Variants in OGDHL observed in about 807,000 individuals in gnomAD.
OGDHL encodes the protein oxoglutarate dehydrogenase L.
OGDHL carries 79 observed loss-of-function variants against 109.6 expected under a neutral mutation model. That is an observed-to-expected ratio of 0.72 (90% CI 0.60 to 0.87). OGDHL has a LOEUF of 0.87. Ranked by LOEUF, OGDHL falls within the 40% of genes least tolerant of loss-of-function variation. The pLI, the probability that OGDHL is intolerant of heterozygous loss-of-function variation, is 0.00. For synonymous variants in OGDHL, 528 were observed against 537.2 expected (o/e 0.98, Z 0.24); for missense variants, 1,275 against 1,362.2 (o/e 0.94, Z 1.01).
chr10:49,741,322 G>A (rs1157460790), intron 15 of OGDHL, among the ~76,000 whole-genome samples: 3 of 152,082 alleles, frequency 2.0e-5, no homozygotes, highest in Non-Finnish European at 4.4e-5. Flanking sequence ...AGTAAGTGAG[G>A]GGCGCCTGGC....
rs1841204236 is a variant in OGDHL at position 49,736,523 on chromosome 10, G to A, written c.2591-3C>T. On this transcript the variant is annotated splice_region_variant and splice_polypyrimidine_tract_variant and intron_variant, in intron 20 of 22. Coordinates refer to ENST00000374103, the MANE Select transcript of OGDHL (RefSeq NM_018245.3). ...AATCACCCGCTGGAAGCTGGTCCCTGAGGGACCAACAGGACATGGCAGAGG... is the reference window on the plus strand; with the variant it reads ...AATCACCCGCTGGAAGCTGGTCCCTAAGGGACCAACAGGACATGGCAGAGG... 3.1e-6 allele frequency: 5 copies of A among 1,612,598 alleles called. No individual in the cohort carries two copies. Among genetic ancestry groups the A allele is most frequent in the African/African-American group, 1.3e-5 (1 of 74,916 alleles).
At chr10:49,755,317 A>G (rs1842853374) in intron 3 of OGDHL, among the ~76,000 whole-genome samples, 1 of 152,234 alleles carries the variant, frequency 6.6e-6, no homozygotes. Context: ...AGGCATTATT[A>G]TGTTTAGATG....
At chr10:49,743,362 A>T (rs995292568) in intron 14 of OGDHL, among the ~76,000 whole-genome samples, 3 of 151,502 alleles carry the variant, frequency 2.0e-5, no homozygotes, top group South Asian at 2.1e-4. Flanking sequence ...CACATGCCCC[A>T]AACGCTGTCA....
In OGDHL at chr10:49,739,781, C is replaced by A; in HGVS notation, c.2199G>T (p.Gln733His). Reference sequence around the variant, plus strand: ...GGGCCGTGTTGTGGAAGTCCCCAAACTGGGCCTCCCAGAGGACCAGGGCAT... The same window carrying A: ...GGGCCGTGTTGTGGAAGTCCCCAAAATGGGCCTCCCAGAGGACCAGGGCAT... ...SPNALVLWEA[Q>H]FGDFHNTAQC... The change falls in exon 17 of 23, where the codon CAG becomes CAT. Residue 733 changes from glutamine to histidine, a missense_variant. Gln to His is a conservative substitution (Grantham distance 24, BLOSUM62 0). Coordinates refer to ENST00000374103, the MANE Select transcript of OGDHL (RefSeq NM_018245.3). The A allele has an allele frequency of 6.2e-7, 1 of 1,614,178 alleles. No homozygotes were observed. The highest frequency in any genetic ancestry group is 8.5e-7 in the Non-Finnish European group (1 of 1,180,000).
rs1437550773 is a variant in OGDHL at position 49,762,255 on chromosome 10, G to C, written c.-18C>G. ...CGCGCTCACCGGGCGGGCGGGCCGG[G>C]TCCGCGCTGCAGCGAGGTCCGGAGG... On this transcript the variant is annotated 5_prime_UTR_variant, in exon 1 of 23. Coordinates refer to ENST00000374103, the MANE Select transcript of OGDHL (RefSeq NM_018245.3). The C allele has an allele frequency of 6.6e-6, 1 of 152,222 alleles. No homozygotes were observed. Among genetic ancestry groups the C allele is most frequent in the Non-Finnish European group, 1.5e-5 (1 of 68,094 alleles). 9.4% of individuals were successfully genotyped at this position (152,222 alleles called of 1,614,324 possible).
rs935827866 is a variant in OGDHL, at chr10:49,743,852, G to A, written c.1861+142C>T. 4.9e-6 allele frequency: 5 copies of A among 1,026,536 alleles called. No homozygotes were observed. In the African/African-American group the frequency reaches 8.1e-5, roughly 17 times the overall value. 63.6% of individuals were successfully genotyped at this position (1,026,536 alleles called of 1,614,324 possible). On this transcript the variant is annotated intron_variant, in intron 14 of 22. Coordinates refer to ENST00000374103, the MANE Select transcript of OGDHL (RefSeq NM_018245.3). ...AGCTACTGTCACGGGCACAGACATGGTGCCGAGAGCTACGTGGACCCACTA... is the reference window on the plus strand; with the variant it reads ...AGCTACTGTCACGGGCACAGACATGATGCCGAGAGCTACGTGGACCCACTA...
At chr10:49,740,882 G>T in intron 15 of OGDHL, 45 bp from the exon 16 acceptor site, 1 of 1,610,286 alleles carries the variant, frequency 6.2e-7, no homozygotes, top group Non-Finnish European at 8.5e-7. Flanking sequence ...CAGGTGGGCT[G>T]GCACCTGTTC....
intron 3 of OGDHL, among the ~76,000 whole-genome samples, chr10:49,754,844 T>C (rs1469933677): frequency 6.6e-6 from 1 of 152,074 alleles, no homozygotes; most frequent in Non-Finnish European, 1.5e-5. Flanking sequence ...TTTTTCCACA[T>C]CATAAAAAGA....
In OGDHL at chr10:49,744,681, A is replaced by G; in HGVS notation, c.1701T>C (p.His567=). The G allele has an allele frequency of 6.2e-7, 1 of 1,614,138 alleles. No homozygotes were observed. The highest frequency in any genetic ancestry group is 8.5e-7 in the Non-Finnish European group (1 of 1,180,010). ...YGRSKDKKIL[H]IKHWLDSPWP... ...AGGGGGAGTCCAACCAGTGCTTTATATGCAGAATCTTTTTATCCTTGGACC... is the reference window on the plus strand; with the variant it reads ...AGGGGGAGTCCAACCAGTGCTTTATGTGCAGAATCTTTTTATCCTTGGACC... Residue 567 remains histidine, a synonymous_variant, in exon 13 of 23, where the codon CAT becomes CAC. Transcript: ENST00000374103.
At chr10:49,739,026 G>A (rs1025270499) in intron 17 of OGDHL, 5 of 152,912 alleles carry the variant, frequency 3.3e-5, no homozygotes, top group African/African-American at 1.2e-4. Flanking sequence ...TATGCAGCCT[G>A]TAAAGTGCTC....
chr10:49,758,339 C>G, intron 2 of OGDHL, 50 bp downstream of exon 2: 1 of 1,554,152 alleles, frequency 6.4e-7, no homozygotes, highest in Non-Finnish European at 8.7e-7. Context: ...GCCCGGCCCC[C>G]GAGGGCTTCC....
At position 49,737,942 on chromosome 10, in the gene OGDHL, C is replaced by T; in HGVS notation, c.2517+5G>A. ...TGTGACCCCTGCCCTGGGACGGAGA[C>T]TCACCGGCTTGCGGAAGGGCAGCAG... On this transcript the variant is annotated splice_donor_5th_base_variant and intron_variant, in intron 19 of 22. Transcript: ENST00000374103. The T allele has an allele frequency of 2.5e-6, 4 of 1,614,154 alleles. No individual in the cohort carries two copies. The highest frequency in any genetic ancestry group is 2.5e-6 in the Non-Finnish European group (3 of 1,180,032).
chr10:49,758,416 C>T lies in OGDHL; in HGVS notation c.177G>A (p.Trp59Ter). The T allele has an allele frequency of 6.2e-7, 1 of 1,613,388 alleles. No individual in the cohort carries two copies. Among genetic ancestry groups the T allele is most frequent in the Non-Finnish European group, 8.5e-7 (1 of 1,179,762 alleles). The change falls in exon 2 of 23, where the codon TGG becomes TGA. Residue 59 changes from tryptophan to a stop codon, truncating the protein, a stop_gained. Coordinates refer to ENST00000374103, the MANE Select transcript of OGDHL (RefSeq NM_018245.3). LOFTEE classifies it high-confidence loss of function. The part of the protein sequence containing the change: ...SSYMEEMYFA[W>*]LENPQSVHKS... ...TGTGGACACTCTGGGGGTTTTCCAACCAGGCGAAGTACATCTCCTCCATGT... is the reference window on the plus strand; with the variant it reads ...TGTGGACACTCTGGGGGTTTTCCAATCAGGCGAAGTACATCTCCTCCATGT...
At chr10:49,757,630 T>G (rs1273536841) in intron 2 of OGDHL, among the ~76,000 whole-genome samples, 1 of 152,168 alleles carries the variant, frequency 6.6e-6, no homozygotes, top group East Asian at 1.9e-4. Context: ...TCAGCAGGAA[T>G]AGGGGTGGCA....
chr10:49,749,679 A>G, intron 8 of OGDHL, 47 bp downstream of exon 8: 1 of 1,510,110 alleles, frequency 6.6e-7, no homozygotes, highest in Non-Finnish European at 8.9e-7. Flanking sequence ...TCCACCTCCC[A>G]AACACCCAGC....
intron 15 of OGDHL, among the ~76,000 whole-genome samples, chr10:49,741,531 G>A (rs972932681): frequency 2.6e-5 from 4 of 152,148 alleles, no homozygotes; most frequent in South Asian, 2.1e-4. Flanking sequence ...TTAGGAACCC[G>A]AACCAGAGGA....
chr10:49,751,307 T>C (rs530804222), intron 6 of OGDHL, among the ~76,000 whole-genome samples: 22 of 152,142 alleles, frequency 1.4e-4, no homozygotes, highest in African/African-American at 5.3e-4. Context: ...CCTAGCCCAC[T>C]ACCCTCCTGC....
At chr10:49,760,008 C>A (rs971104304) in intron 1 of OGDHL, among the ~76,000 whole-genome samples, 2 of 152,348 alleles carry the variant, frequency 1.3e-5, no homozygotes, top group East Asian at 1.9e-4. Flanking sequence ...TCACCAGAAA[C>A]TCACTGGCTG....
At chr10:49,752,341 A>G in intron 4 of OGDHL, 93 bp from the exon 5 acceptor site, 1 of 920,718 alleles carries the variant, frequency 1.1e-6, no homozygotes, top group East Asian at 2.5e-5. Context: ...CAGACCTCCC[A>G]GTCTCCCCAG....
Sources: gnomAD v4.1 joint callset for allele counts (sites outside exome capture counted in the v4.1 genomes callset) on GRCh38, gnomAD v4.1.1 for gene constraint, MANE v1.5 for transcripts, NCBI Gene and HGNC (gene_info 2026-07-23, HGNC 2026-07-21) for gene names.